COL21A1: variants seen among roughly 807,000 people sequenced by gnomAD.
COL21A1 encodes collagen type XXI alpha 1 chain.
COL21A1 carries 149 observed loss-of-function variants against 137.9 expected under a neutral mutation model. The ratio of observed to expected loss-of-function variants is 1.08; its 90% CI spans 0.95 to 1.24. COL21A1 has a LOEUF of 1.24. Ranked by LOEUF, COL21A1 falls within the 50% of genes most tolerant of loss-of-function variation. The probability of loss-of-function intolerance (pLI) is 0.00; values close to 1 mark genes in which losing one functional copy is unlikely to be tolerated. For missense variants in COL21A1, 1,167 were observed against 1,158.4 expected (o/e 1.01, Z -0.11); for synonymous variants, 456 against 391.5 (o/e 1.16, Z -1.95).
chr6:56,145,917 A>T (rs1486082010), intron 10 of COL21A1, among the ~76,000 whole-genome samples: 3 of 152,080 alleles, frequency 2.0e-5, no homozygotes, highest in Non-Finnish European at 2.9e-5. Context: ...GAAGAAAAGA[A>T]TACAGAATCA....
At chr6:56,205,112 C>A (rs1779675680) in intron 1 of COL21A1, among the ~76,000 whole-genome samples, 1 of 152,070 alleles carries the variant, frequency 6.6e-6, no homozygotes, top group South Asian at 2.1e-4. Context: ...AGCAAGGGAA[C>A]AAAACAGTAC....
chr6:56,180,081 T>C lies in COL21A1; in HGVS notation c.137A>G (p.Tyr46Cys). The change falls in exon 3 of 30, where the codon TAT (tyrosine) becomes TGT (cysteine). Residue 46 changes from tyrosine (Y) to cysteine (C), a missense_variant. Physicochemically the swap from Tyr to Cys is radical, Grantham distance 194. Coordinates refer to ENST00000244728, the MANE Select transcript of COL21A1 (RefSeq NM_030820.4). ...TTCAAAGTTTTCTGGGCCAACACTA[T>C]AAGAGCCATCTAAGATGAAAACTAA... The part of the protein sequence containing the change: ...TDLVFILDGS[Y>C]SVGPENFEIV... 1 of 1,613,552 alleles carries C rather than the reference T, an allele frequency of 6.2e-7. No homozygotes were observed. Among genetic ancestry groups the C allele is most frequent in the Non-Finnish European group, 8.5e-7 (1 of 1,179,756 alleles).
intron 1 of COL21A1, among the ~76,000 whole-genome samples, chr6:56,204,729 G>A (rs1779646254): frequency 6.6e-6 from 1 of 152,176 alleles, no homozygotes; most frequent in South Asian, 2.1e-4. Context: ...ATACAGGAGA[G>A]CTCTGGCTGG....
At chr6:56,126,451 T>C (rs1582426967) in intron 12 of COL21A1, 1 of 267,504 alleles carries the variant, frequency 3.7e-6, no homozygotes, top group East Asian at 1.1e-4. Flanking sequence ...GCAAGACACA[T>C]GAATTAATTG....
chr6:56,354,105 G>C (rs1245856344), intron 1 of COL21A1, among the ~76,000 whole-genome samples: 1 of 152,186 alleles, frequency 6.6e-6, no homozygotes, highest in Non-Finnish European at 1.5e-5. Flanking sequence ...CAAATATAAA[G>C]TTGAGTAAAA....
chr6:56,290,590 C>T (rs6916683), intron 1 of COL21A1, among the ~76,000 whole-genome samples: 9,593 of 150,950 alleles, frequency 0.064, 505 homozygotes, highest in African/African-American at 0.14. Flanking sequence ...ACCTCCGCTT[C>T]CCAGGTGCAA....
chr6:56,325,815 T>TAATATATATAA (rs375902817), intron 1 of COL21A1, among the ~76,000 whole-genome samples: 2 of 338 alleles, frequency 5.9e-3, no homozygotes, highest in African/African-American at 6.4e-3. Context: ...ATATTATATA[T>TAATATATATAA]TATATATTAT....
chr6:56,343,076 T>G (rs1765506661), intron 1 of COL21A1, among the ~76,000 whole-genome samples: 1 of 152,176 alleles, frequency 6.6e-6, no homozygotes, highest in African/African-American at 2.4e-5. Context: ...AGATTATTTC[T>G]CAAGACAGTC....
At chr6:56,350,134 A>G (rs1765679070) in intron 1 of COL21A1, among the ~76,000 whole-genome samples, 2 of 152,240 alleles carry the variant, frequency 1.3e-5, no homozygotes, top group African/African-American at 4.8e-5. Context: ...CCCCCAGTCA[A>G]AATTATCAGA....
Position 56,254,283 on chromosome 6 carries a change from G to T in COL21A1, c.-38-71627C>A, listed in dbSNP as rs1342344632. The stretch of plus-strand genomic sequence containing the variant: ...AGAGATGCTTCTTTGTGGTAACCCA[G>T]TTAAGAGGGAGGACAAAGAGGTGGT... On this transcript the variant is annotated intron_variant, in intron 1 of 28. Transcript: ENST00000370819. 2.0e-5 allele frequency among the ~76,000 whole-genome samples: 3 copies of T among 152,332 alleles called. No individual in the cohort carries two copies. In the East Asian group the frequency reaches 5.8e-4, roughly 29 times the overall value.
intron 1 of COL21A1, among the ~76,000 whole-genome samples, chr6:56,267,494 T>C (rs899578116): frequency 1.3e-5 from 2 of 152,122 alleles, no homozygotes; most frequent in South Asian, 2.1e-4. Context: ...CAGTGACTCA[T>C]GCCTGTAATC....
rs1014540064 is a variant in COL21A1 at position 56,124,123 on chromosome 6, A to G, written c.1705-8T>C. The G allele has an allele frequency of 3.2e-6, 5 of 1,539,804 alleles. No individual in the cohort carries two copies. Among genetic ancestry groups the G allele is most frequent in the Non-Finnish European group, 4.4e-6 (5 of 1,140,386 alleles). On this transcript the variant is annotated splice_polypyrimidine_tract_variant and splice_region_variant and intron_variant, in intron 15 of 29. Transcript: ENST00000244728. ...ATGTCTTCCTGGTTCTCCCTAAAAA[A>G]TAAATACATATGCTTTAATATATTT...
intron 1 of COL21A1, among the ~76,000 whole-genome samples, chr6:56,348,376 C>T (rs929279454): frequency 2.6e-5 from 4 of 152,122 alleles, no homozygotes; most frequent in African/African-American, 4.8e-5. Flanking sequence ...TCCTCTTTTT[C>T]ATTTCACTTT....
intron 1 of COL21A1, among the ~76,000 whole-genome samples, chr6:56,340,094 C>G (rs1257143212): frequency 2.0e-5 from 3 of 152,160 alleles, no homozygotes; most frequent in Admixed American, 2.0e-4. Context: ...ATGCCAAACA[C>G]ATCTTAATTA....
upstream of COL21A1, among the ~76,000 whole-genome samples, chr6:56,248,596 C>G (rs983198760): frequency 6.6e-6 from 1 of 152,202 alleles, no homozygotes; most frequent in African/African-American, 2.4e-5. Context: ...GCTGTGTCCC[C>G]TGAGCCTAGA....
At chr6:56,374,911 A>G (rs950484416) in intron 1 of COL21A1, among the ~76,000 whole-genome samples, 1 of 151,934 alleles carries the variant, frequency 6.6e-6, no homozygotes, top group African/African-American at 2.4e-5. Flanking sequence ...TTAGACTCTC[A>G]TGAACAGATG....
At chr6:56,132,766 G>T (rs893371066) in intron 12 of COL21A1, among the ~76,000 whole-genome samples, 1 of 152,098 alleles carries the variant, frequency 6.6e-6, no homozygotes, top group African/African-American at 2.4e-5. Flanking sequence ...GAATCATAGG[G>T]GCGGGTCTTT....
chr6:56,098,698 T>TATATATAAATATATATATAA (rs1770107618), intron 17 of COL21A1, among the ~76,000 whole-genome samples: 2 of 70,710 alleles, frequency 2.8e-5, no homozygotes, highest in Non-Finnish European at 5.4e-5. Context: ...AATATATAAA[T>TATATATAAATATATATATAA]ATATATATAA....
chr6:56,287,173 G>A (rs4128443), intron 1 of COL21A1, among the ~76,000 whole-genome samples: 21,472 of 152,100 alleles, frequency 0.14, 3,636 homozygotes, highest in African/African-American at 0.41. Context: ...CTAAATGGAG[G>A]TGCTTCAAGA....
Sources: allele counts gnomAD v4.1 joint callset (sites outside exome capture counted in the v4.1 genomes callset), GRCh38; gene constraint gnomAD v4.1.1; transcripts MANE v1.5; gene names NCBI Gene and HGNC (gene_info 2026-07-23, HGNC 2026-07-21).